The following HLA-DOB variants were observed in gnomAD, a reference collection of about 807,000 sequenced individuals.
HLA-DOB encodes HLA class II histocompatibility antigen, DO beta chain.
In HLA-DOB, 25 loss-of-function variants were observed where a neutral mutation model predicts 27.7. The ratio of observed to expected loss-of-function variants is 0.90; its 90% CI spans 0.66 to 1.26. The LOEUF (loss-of-function observed/expected upper bound fraction) is 1.26, where lower values mean the gene tolerates loss of function less well. Ranked by LOEUF, HLA-DOB falls within the 50% of genes most tolerant of loss-of-function variation. The pLI, the probability that HLA-DOB is intolerant of heterozygous loss-of-function variation, is 0.00. For missense variants in HLA-DOB, 306 were observed against 324.9 expected (o/e 0.94, Z 0.45); for synonymous variants, 137 against 125.6 (o/e 1.09, Z -0.61).
At position 32,813,117 on chromosome 6, in the gene HLA-DOB, T is replaced by C. The variant is rs1767864022; in HGVS notation, c.*99A>G. On this transcript the variant is annotated 3_prime_UTR_variant, in exon 6 of 6. Transcript: ENST00000438763. Reference sequence around the variant, plus strand: ...TCCAAGGATCAGGGAAGAGAGTTATTCCCAGAACATTGACCTCATGAATGT... The same window carrying C: ...TCCAAGGATCAGGGAAGAGAGTTATCCCCAGAACATTGACCTCATGAATGT... The C allele has an allele frequency of 1.8e-6, 2 of 1,081,458 alleles. No homozygotes were observed. Among genetic ancestry groups the C allele is most frequent in the South Asian group, 1.2e-5 (1 of 80,246 alleles). 67.0% of individuals were successfully genotyped at this position (1,081,458 alleles called of 1,614,324 possible). A position where few individuals can be genotyped will look rare whatever the true frequency, so the allele number is the denominator to read the frequency against.
At position 32,816,874 on chromosome 6, in the gene HLA-DOB, G is replaced by C. The variant is rs761487088; in HGVS notation, c.78C>G (p.Gly26=). 6.2e-7 allele frequency: 1 copy of C among 1,612,666 alleles called. No homozygotes were observed. Among genetic ancestry groups the C allele is most frequent in the Non-Finnish European group, 8.5e-7 (1 of 1,179,726 alleles). The part of the protein sequence containing the change: ...LTRLDSSMTQ[G]TDSPEDFVIQ... ...CTCTGTTCTTACCTGGAGAGTCTGT[G>C]CCTTGAGTCATGGAGGAATCCAGTC... The change falls in exon 1 of 6, where the codon GGC becomes GGG. Residue 26 remains glycine (G), a synonymous_variant. Transcript: ENST00000438763.
intron 3 of HLA-DOB, chr6:32,814,111 TCTC>T (rs1427743036): frequency 9.8e-6 from 6 of 610,074 alleles, no homozygotes; most frequent in Non-Finnish European, 1.7e-5. Context: ...GGTGATTAGA[TCTC>T]CTCATTTCTT....
rs1174473331 is a variant in HLA-DOB at position 32,814,461 on chromosome 6, C to A, written c.502G>T (p.Val168Phe). Residue 168 changes from valine (V) to phenylalanine (F), a missense_variant, in exon 3 of 6, where the codon GTC becomes TTC. By Grantham distance (50) the Val-to-Phe change is conservative. Coordinates refer to ENST00000438763, the MANE Select transcript of HLA-DOB (RefSeq NM_002120.4). ...FLNGQEERAG[V>F]MSTGPIRNGD... ...TTCCTGATAGGGCCAGTGGACATGA[C>A]CCCAGCTCTCTCCTCCTGCCCATTC... The A allele has an allele frequency of 1.2e-6, 2 of 1,613,044 alleles. No individual in the cohort carries two copies. Among genetic ancestry groups the A allele is most frequent in the East Asian group, 4.5e-5 (2 of 44,894 alleles).
chr6:32,813,197 A>T lies in HLA-DOB; in HGVS notation c.*19T>A. 6.2e-7 allele frequency: 1 copy of T among 1,611,676 alleles called. No homozygotes were observed. Among genetic ancestry groups the T allele is most frequent in the Non-Finnish European group, 8.5e-7 (1 of 1,178,772 alleles). On this transcript the variant is annotated 3_prime_UTR_variant, in exon 6 of 6. Transcript: ENST00000438763. ...CATCACTACTTCAGGCTCCAGAGAG[A>T]GAAGCTTCAGTGAGGACCTTAGCAT...
rs1221026155 is a variant in HLA-DOB at position 32,814,261 on chromosome 6, T to C, written c.643+59A>G. On this transcript the variant is annotated intron_variant, in intron 3 of 5. Transcript: ENST00000438763. ...ATAAACGCAGAAGTGACACAGGCTC[T>C]GTATTGAGTCAGTATAGTCCTGAGT... The C allele has an allele frequency of 2.1e-6, 3 of 1,457,564 alleles. No individual in the cohort carries two copies. In the South Asian group the frequency reaches 3.5e-5, roughly 17 times the overall value. 90.3% of individuals were successfully genotyped at this position (1,457,564 alleles called of 1,614,324 possible). A position where few individuals can be genotyped will look rare whatever the true frequency, so the allele number is the denominator to read the frequency against.
In HLA-DOB at chr6:32,812,906, A is replaced by AT. The variant is rs1767853461; in HGVS notation, c.*309dup. 1 of 427,832 alleles carries AT rather than the reference A, an allele frequency of 2.3e-6. No individual in the cohort carries two copies. Among genetic ancestry groups the AT allele is most frequent in the Admixed American group, 3.8e-5 (1 of 26,216 alleles). The allele number at this position is 427,832 out of a possible 1,614,324, so 26.5% of individuals were successfully genotyped here. ...CAGAAAGCTTTGGAGATCATGACTT[A>AT]TAGGAGTAGGGCTGGACCACAGAAA... On this transcript the variant is annotated 3_prime_UTR_variant, in exon 6 of 6. Coordinates refer to ENST00000438763, the MANE Select transcript of HLA-DOB (RefSeq NM_002120.4).
chr6:32,814,510 C>T lies in HLA-DOB; in HGVS notation c.453G>A (p.Gly151=). The part of the protein sequence containing the change: ...LHCSVTGFYP[G]DIKIKWFLNG... ...TCAGGAACCACTTGATCTTGATATC[C>T]CCTGGATAGAAGCCTGTCACAGAGC... is the stretch of plus-strand genomic sequence containing the variant. The change falls in exon 3 of 6, where the codon GGG becomes GGA. Residue 151 remains glycine (G), a synonymous_variant. Transcript: ENST00000438763. The T allele has an allele frequency of 6.2e-7, 1 of 1,612,982 alleles. No individual in the cohort carries two copies. Among genetic ancestry groups the T allele is most frequent in the Non-Finnish European group, 8.5e-7 (1 of 1,179,994 alleles).
intron 1 of HLA-DOB, among the ~76,000 whole-genome samples, chr6:32,816,631 T>C (rs1447289465): frequency 6.6e-6 from 1 of 152,106 alleles, no homozygotes; most frequent in African/African-American, 2.4e-5. Flanking sequence ...CAAGACACAA[T>C]GTTTCCCTCT....
intron 1 of HLA-DOB, 21 bp downstream of exon 1, chr6:32,816,840 A>G: frequency 6.2e-7 from 1 of 1,601,402 alleles, no homozygotes; most frequent in Non-Finnish European, 8.5e-7. Flanking sequence ...CACTGGAAAA[A>G]AACAATTGCT....
In HLA-DOB at chr6:32,815,245, C is replaced by A. The variant is rs1197711046; in HGVS notation, c.160G>T (p.Val54Phe). The change falls in exon 2 of 6, where the codon GTC becomes TTC. Residue 54 changes from valine to phenylalanine, a missense_variant. By Grantham distance (50) the Val-to-Phe change is conservative. Coordinates refer to ENST00000438763, the MANE Select transcript of HLA-DOB (RefSeq NM_002120.4). ...TNGTEKVQFV[V>F]RFIFNLEEYV... is the part of the protein sequence containing the mutation. ...TCCTCCAAGTTAAAGATGAATCTGA[C>A]CACAAACTGCACCTTTTCTGTCCCG... 1.2e-6 allele frequency: 2 copies of A among 1,614,096 alleles called. No homozygotes were observed. Among genetic ancestry groups the A allele is most frequent in the Middle Eastern group, 1.6e-4 (1 of 6,084 alleles).
At position 32,815,056 on chromosome 6, in the gene HLA-DOB, C is replaced by T; in HGVS notation, c.349G>A (p.Val117Met). ...GCTTCCAGCTCACCTTTTCTCCCCACAGTGAAGGGTGCGCCCAGCCTGTAG... is the reference window on the plus strand; with the variant it reads ...GCTTCCAGCTCACCTTTTCTCCCCATAGTGAAGGGTGCGCCCAGCCTGTAG... ...HNYRLGAPFT[V>M]GRKVQPEVTV... is the part of the protein sequence containing the mutation. The change falls in exon 2 of 6, where the codon GTG becomes ATG. Residue 117 changes from valine (V) to methionine (M), a missense_variant. Coordinates refer to ENST00000438763, the MANE Select transcript of HLA-DOB (RefSeq NM_002120.4). The T allele has an allele frequency of 1.2e-6, 2 of 1,614,134 alleles. No individual in the cohort carries two copies. Among genetic ancestry groups the T allele is most frequent in the Non-Finnish European group, 1.7e-6 (2 of 1,179,970 alleles).
chr6:32,813,548 C>G, intron 4 of HLA-DOB, 77 bp from the exon 5 acceptor site: 1 of 1,513,224 alleles, frequency 6.6e-7, no homozygotes. Context: ...GAACAAATGG[C>G]TGGCAAGGTC....
At chr6:32,816,393 T>C (rs1053587736) in intron 1 of HLA-DOB, among the ~76,000 whole-genome samples, 2 of 152,196 alleles carry the variant, frequency 1.3e-5, no homozygotes, top group African/African-American at 4.8e-5. Flanking sequence ...TCTGACAATA[T>C]AATAGTGGCT....
At chr6:32,813,610 T>C in intron 4 of HLA-DOB, 113 bp downstream of exon 4, 1 of 1,196,498 alleles carries the variant, frequency 8.4e-7, no homozygotes, top group Non-Finnish European at 1.2e-6. Flanking sequence ...ATTATCCCGG[T>C]GATCCCTGAG....
intron 1 of HLA-DOB, 85 bp downstream of exon 1, chr6:32,816,776 T>C (rs1341159190): frequency 8.3e-6 from 9 of 1,086,848 alleles, no homozygotes; most frequent in Non-Finnish European, 1.1e-5. Context: ...GTCTGGTCTG[T>C]GGCCTGGACT....
At position 32,814,527 on chromosome 6, in the gene HLA-DOB, T is replaced by A. The variant is rs775119133; in HGVS notation, c.436A>T (p.Thr146Ser). The stretch of plus-strand genomic sequence containing the variant: ...TTGATATCCCCTGGATAGAAGCCTG[T>A]CACAGAGCAGTGCAGCAGATTATGC... ...HQHNLLHCSV[T>S]GFYPGDIKIK... The change falls in exon 3 of 6, where the codon ACA becomes TCA. Residue 146 changes from threonine (T) to serine (S), a missense_variant. Transcript: ENST00000438763. 2.5e-6 allele frequency: 4 copies of A among 1,612,920 alleles called. No homozygotes were observed. Among genetic ancestry groups the A allele is most frequent in the Non-Finnish European group, 8.5e-7 (1 of 1,180,006 alleles).
chr6:32,814,443 T>C lies in HLA-DOB; in HGVS notation c.520A>G (p.Ile174Val). Residue 174 changes from isoleucine to valine, a missense_variant, in exon 3 of 6, where the codon ATC becomes GTC. Ile to Val is a conservative substitution (Grantham distance 29, BLOSUM62 3). Coordinates refer to ENST00000438763, the MANE Select transcript of HLA-DOB (RefSeq NM_002120.4). ...TGAAAGGTCCAGTCTCCATTCCTGA[T>C]AGGGCCAGTGGACATGACCCCAGCT... Reference protein sequence around the residue: ...ERAGVMSTGPIRNGDWTFQTV... With the variant: ...ERAGVMSTGPVRNGDWTFQTV... 1 of 1,613,082 alleles carries C rather than the reference T, an allele frequency of 6.2e-7. No homozygotes were observed. Among genetic ancestry groups the C allele is most frequent in the Non-Finnish European group, 8.5e-7 (1 of 1,180,012 alleles).
At position 32,815,135 on chromosome 6, in the gene HLA-DOB, C is replaced by A. The variant is rs370365246; in HGVS notation, c.270G>T (p.Arg90=). The A allele has an allele frequency of 1.2e-6, 2 of 1,614,210 alleles. No homozygotes were observed. Among genetic ancestry groups the A allele is most frequent in the Non-Finnish European group, 1.7e-6 (2 of 1,180,038 alleles). The stretch of plus-strand genomic sequence containing the variant: ...GTCTGCTCCTCTCCAAGAGATCCAG[C>A]CGGCTGTTCCACTGCTCAGCATCTG... The part of the protein sequence containing the change: ...GQPDAEQWNS[R]LDLLERSRQA... The change falls in exon 2 of 6, where the codon CGG becomes CGT. Residue 90 remains arginine (R), a synonymous_variant. Transcript: ENST00000438763.
intron 1 of HLA-DOB, among the ~76,000 whole-genome samples, chr6:32,815,969 C>T (rs960376583): frequency 6.6e-6 from 1 of 152,290 alleles, no homozygotes; most frequent in African/African-American, 2.4e-5. Flanking sequence ...CCTGTAATTT[C>T]TCAGCATGTA....
Sources: gnomAD v4.1 joint callset for allele counts (sites outside exome capture counted in the v4.1 genomes callset) on GRCh38, gnomAD v4.1.1 for gene constraint, MANE v1.5 for transcripts, NCBI Gene and HGNC (gene_info 2026-07-23, HGNC 2026-07-21) for gene names.